Variants in TMTC2 observed in about 807,000 individuals in gnomAD.
The protein encoded by TMTC2 is protein O-mannosyl-transferase TMTC2.
TMTC2 carries 43 observed loss-of-function variants against 82.4 expected under a neutral mutation model. The ratio of observed to expected loss-of-function variants is 0.52; its 90% CI spans 0.41 to 0.67. The LOEUF (loss-of-function observed/expected upper bound fraction) is 0.67, where lower values mean the gene tolerates loss of function less well. Among genes scored for constraint, TMTC2 ranks in the 30% least tolerant of loss-of-function variants. TMTC2 has a pLI of 0.00. For missense variants in TMTC2, 919 were observed against 1,012.4 expected (o/e 0.91, Z 1.25); for synonymous variants, 408 against 381.9 (o/e 1.07, Z -0.80).
chr12:83,022,047 T>A (rs73152233), intron 8 of TMTC2: 7 of 151,042 alleles, frequency 4.6e-5, no homozygotes, highest in African/African-American at 1.7e-4. Context: ...GAAAACAATA[T>A]GAGTAAAAGC....
At chr12:83,040,320 T>C (rs923119725) in intron 9 of TMTC2, among the ~76,000 whole-genome samples, 2 of 152,086 alleles carry the variant, frequency 1.3e-5, no homozygotes, top group Non-Finnish European at 1.5e-5. Context: ...CAGAGCCAGA[T>C]TGCTGATATT....
chr12:83,076,609 A>T (rs1251702594), intron 11 of TMTC2, among the ~76,000 whole-genome samples: 1 of 152,186 alleles, frequency 6.6e-6, no homozygotes, highest in Non-Finnish European at 1.5e-5. Flanking sequence ...TCAGAGGGCT[A>T]TGCCCTTCCC....
chr12:83,073,327 G>A (rs1381919131), intron 11 of TMTC2, among the ~76,000 whole-genome samples: 1 of 152,076 alleles, frequency 6.6e-6, no homozygotes, highest in Non-Finnish European at 1.5e-5. Context: ...TAGCTTATAG[G>A]GTTTCTGCTC....
chr12:83,099,932 T>TC (rs951892202), intron 11 of TMTC2, among the ~76,000 whole-genome samples: 8 of 151,938 alleles, frequency 5.3e-5, no homozygotes, highest in Non-Finnish European at 8.8e-5. Flanking sequence ...TTTTTTTTTT[T>TC]TGAGATGGAG....
At chr12:82,936,642 T>C (rs532208891) in intron 4 of TMTC2, among the ~76,000 whole-genome samples, 1 of 152,248 alleles carries the variant, frequency 6.6e-6, no homozygotes, top group South Asian at 2.1e-4. Flanking sequence ...GAAAAAAATA[T>C]CATCTCTAGA....
chr12:83,032,266 T>TAC (rs1457730219), intron 9 of TMTC2, among the ~76,000 whole-genome samples: 4 of 15,956 alleles, frequency 2.5e-4, no homozygotes, highest in African/African-American at 7.9e-4. Context: ...TTTATATATA[T>TAC]ATATATATAT....
rs532107926 is a variant in TMTC2 at position 83,071,871 on chromosome 12, A to T, written c.2331+10040A>T. Among the ~76,000 whole-genome samples, 34 of 151,934 alleles carry T rather than the reference A, an allele frequency of 2.2e-4. 1 individual carries two copies. In the South Asian group the frequency reaches 6.5e-3, roughly 29 times the overall value. On this transcript the variant is annotated intron_variant, in intron 11 of 11. Transcript: ENST00000321196. ...GTAATAGCTCCTGTTTCGTTTTCTT[A>T]GTGAGGTTATTTGGATTTTCTCTGT...
chr12:83,038,927 G>GTTTT (rs537630267), intron 9 of TMTC2, among the ~76,000 whole-genome samples: 15 of 109,092 alleles, frequency 1.4e-4, no homozygotes, highest in African/African-American at 1.8e-4. Flanking sequence ...AAGCACCTTG[G>GTTTT]TTTTTTTTTT....
chr12:82,726,285 A>C (rs1267313433), intron 1 of TMTC2, among the ~76,000 whole-genome samples: 1 of 152,194 alleles, frequency 6.6e-6, no homozygotes, highest in African/African-American at 2.4e-5. Flanking sequence ...TTTAGTTCTC[A>C]ACACAGATTA....
intron 1 of TMTC2, among the ~76,000 whole-genome samples, chr12:82,839,255 A>G (rs958206120): frequency 2.6e-5 from 4 of 152,216 alleles, no homozygotes; most frequent in African/African-American, 4.8e-5. Flanking sequence ...CAGGACCACT[A>G]TAACATTTGG....
rs190586872 is a variant in TMTC2 at position 82,763,473 on chromosome 12, C to T, written c.83+75804C>T. Among the ~76,000 whole-genome samples, 10 of 152,306 alleles carry T rather than the reference C, an allele frequency of 6.6e-5. No homozygotes were observed. The East Asian group carries it at 1.9e-3, about 29-fold the overall frequency. ...AGTGATTGTGATGCCTACAGCCTGA[C>T]AACAATAACCCTTTGAAAACTTGAG... On this transcript the variant is annotated intron_variant, in intron 1 of 11. Transcript: ENST00000321196.
At chr12:82,871,445 T>C (rs1237443816) in intron 2 of TMTC2, among the ~76,000 whole-genome samples, 1 of 152,072 alleles carries the variant, frequency 6.6e-6, no homozygotes, top group Non-Finnish European at 1.5e-5. Flanking sequence ...TAATCTGTAC[T>C]TGCAGGTGCA....
intron 11 of TMTC2, among the ~76,000 whole-genome samples, chr12:83,088,521 A>G (rs1430265036): frequency 6.6e-6 from 1 of 152,212 alleles, no homozygotes; most frequent in Non-Finnish European, 1.5e-5. Flanking sequence ...TTTTACTTGA[A>G]CACTTAGAGA....
At chr12:82,910,645 G>T (rs1874585160) in intron 3 of TMTC2, among the ~76,000 whole-genome samples, 1 of 152,188 alleles carries the variant, frequency 6.6e-6, no homozygotes, top group Non-Finnish European at 1.5e-5. Context: ...GTAGCTCTTA[G>T]CAGACGGAGG....
At chr12:82,751,199 A>T (rs1400184168) in intron 1 of TMTC2, among the ~76,000 whole-genome samples, 1 of 152,322 alleles carries the variant, frequency 6.6e-6, no homozygotes, top group African/African-American at 2.4e-5. Context: ...ATGGAATACT[A>T]TGCAGCTATA....
At chr12:82,930,653 A>G (rs1875979740) in intron 4 of TMTC2, 108 bp downstream of exon 4, 2 of 622,982 alleles carry the variant, frequency 3.2e-6, no homozygotes, top group Non-Finnish European at 5.4e-6. Flanking sequence ...TTGTCCTGAA[A>G]TAGTCTTTTT....
intron 8 of TMTC2, among the ~76,000 whole-genome samples, chr12:83,028,475 A>G (rs1159125034): frequency 1.3e-5 from 2 of 152,132 alleles, no homozygotes; most frequent in Non-Finnish European, 2.9e-5. Context: ...TAGATTTGTT[A>G]CAGTTGATGA....
At chr12:82,814,637 G>T (rs1868586615) in intron 1 of TMTC2, among the ~76,000 whole-genome samples, 1 of 152,146 alleles carries the variant, frequency 6.6e-6, no homozygotes, top group Non-Finnish European at 1.5e-5. Context: ...ATCATGATTA[G>T]AAGGAACAAA....
At chr12:82,955,024 C>T (rs1044545439) in intron 4 of TMTC2, among the ~76,000 whole-genome samples, 4 of 152,116 alleles carry the variant, frequency 2.6e-5, no homozygotes, top group African/African-American at 9.7e-5. Flanking sequence ...TTAGAAGAGA[C>T]ACAGGGCTTT....
Sources: allele counts gnomAD v4.1 joint callset (sites outside exome capture counted in the v4.1 genomes callset), GRCh38; gene constraint gnomAD v4.1.1; transcripts MANE v1.5; gene names NCBI Gene and HGNC (gene_info 2026-07-23, HGNC 2026-07-21).